OSBPL10: variants seen among roughly 807,000 people sequenced by gnomAD.
OSBPL10 encodes oxysterol-binding protein-related protein 10.
OSBPL10 carries 49 observed loss-of-function variants against 81.7 expected under a neutral mutation model. That is an observed-to-expected ratio of 0.60 (90% CI 0.48 to 0.76). The LOEUF (loss-of-function observed/expected upper bound fraction) is 0.76, where lower values mean the gene tolerates loss of function less well. Ranked by LOEUF, OSBPL10 falls within the 30% of genes least tolerant of loss-of-function variation. OSBPL10 has a pLI of 0.00. For synonymous variants in OSBPL10, 419 were observed against 383.6 expected, an observed-to-expected ratio of 1.09 and a Z score of -1.08; for missense variants, 923 against 987.8, an observed-to-expected ratio of 0.93 and a Z score of 0.88.
chr3:31,899,964 CAGA>C (rs1313727657), intron 1 of OSBPL10, among the ~76,000 whole-genome samples: 1 of 151,274 alleles, frequency 6.6e-6, no homozygotes, highest in Admixed American at 6.6e-5. Context: ...ACCAACTTTG[CAGA>C]AGATTAAGCT....
In OSBPL10 at chr3:31,941,980, G is replaced by C. The variant is rs1358032968; in HGVS notation, c.281+38919C>G. The stretch of plus-strand genomic sequence containing the variant: ...CTTTCTTCCTTCTTCTCCCAGTCGA[G>C]AATGCAATGTATGGCAGGGCACGGT... On this transcript the variant is annotated intron_variant, in intron 1 of 11. Transcript: ENST00000396556. 2.0e-5 allele frequency among the ~76,000 whole-genome samples: 3 copies of C among 152,140 alleles called. No homozygotes were observed. In the East Asian group the frequency reaches 5.8e-4, roughly 29 times the overall value.
intron 6 of OSBPL10, among the ~76,000 whole-genome samples, chr3:31,728,773 T>A: frequency 6.6e-6 from 1 of 152,082 alleles, no homozygotes; most frequent in East Asian, 1.9e-4. Context: ...CATGAGGGAA[T>A]CTGGGGGCAA....
intron 2 of OSBPL10, among the ~76,000 whole-genome samples, chr3:32,012,923 G>A (rs575521465): frequency 6.1e-5 from 9 of 148,648 alleles, no homozygotes; most frequent in Non-Finnish European, 9.0e-5. Context: ...CCCAATACAG[G>A]AGCACCCAGA....
chr3:32,076,550 C>T (rs990375155), intron 1 of OSBPL10, among the ~76,000 whole-genome samples: 2 of 152,036 alleles, frequency 1.3e-5, no homozygotes, highest in African/African-American at 2.4e-5. Context: ...TTTCCCTGTT[C>T]GCCTGACAAA....
At chr3:31,673,126 T>C (rs1700369070) in intron 8 of OSBPL10, among the ~76,000 whole-genome samples, 1 of 152,078 alleles carries the variant, frequency 6.6e-6, no homozygotes, top group African/African-American at 2.4e-5. Flanking sequence ...TTCTGCATTT[T>C]AGAAAGAAGA....
intron 1 of OSBPL10, among the ~76,000 whole-genome samples, chr3:31,973,134 G>T (rs1464824227): frequency 6.6e-6 from 1 of 152,122 alleles, no homozygotes; most frequent in Non-Finnish European, 1.5e-5. Context: ...CACGTTTCCG[G>T]CACAATCATT....
At chr3:31,840,175 T>G in intron 3 of OSBPL10, among the ~76,000 whole-genome samples, 2 of 152,054 alleles carry the variant, frequency 1.3e-5, no homozygotes, top group Non-Finnish European at 2.9e-5. Flanking sequence ...AAATGATCAC[T>G]CTGGAACATG....
At chr3:32,059,068 G>A (rs2125440430) in intron 1 of OSBPL10, among the ~76,000 whole-genome samples, 1 of 152,294 alleles carries the variant, frequency 6.6e-6, no homozygotes, top group Non-Finnish European at 1.5e-5. Flanking sequence ...GGAGGCTGAG[G>A]CAGGTGGATC....
At chr3:31,872,215 A>G (rs1701346750) in intron 3 of OSBPL10, among the ~76,000 whole-genome samples, 2 of 152,188 alleles carry the variant, frequency 1.3e-5, no homozygotes, top group Non-Finnish European at 2.9e-5. Context: ...TCCATGCAGA[A>G]TCAGAAACTT....
intron 4 of OSBPL10, among the ~76,000 whole-genome samples, chr3:31,826,688 T>C (rs1700107934): frequency 6.6e-6 from 1 of 152,220 alleles, no homozygotes. Context: ...ATTTTATAGA[T>C]AAATACAGTG....
chr3:31,836,452 G>A (rs1428151772), intron 3 of OSBPL10, among the ~76,000 whole-genome samples: 2 of 152,082 alleles, frequency 1.3e-5, no homozygotes, highest in African/African-American at 2.4e-5. Flanking sequence ...TTCATTTCCT[G>A]CAAATAGTGG....
chr3:31,839,819 A>G (rs1700449112), intron 3 of OSBPL10, among the ~76,000 whole-genome samples: 1 of 149,874 alleles, frequency 6.7e-6, no homozygotes, highest in African/African-American at 2.4e-5. Context: ...GAAATTACAG[A>G]CAACAGCCAG....
intron 6 of OSBPL10, among the ~76,000 whole-genome samples, chr3:31,722,416 C>T (rs975348526): frequency 2.0e-5 from 3 of 152,048 alleles, no homozygotes; most frequent in South Asian, 2.1e-4. Flanking sequence ...TGATCTAGCA[C>T]ATCAATACCT....
Position 31,943,912 on chromosome 3 carries a change from G to A in OSBPL10, c.281+36987C>T, listed in dbSNP as rs1189974454. Among the ~76,000 whole-genome samples, 3 of 131,570 alleles carry A rather than the reference G, an allele frequency of 2.3e-5. No homozygotes were observed. In the East Asian group the frequency reaches 7.4e-4, roughly 33 times the overall value. 86.3% of individuals were successfully genotyped at this position (131,570 alleles called of 152,430 possible). The stretch of plus-strand genomic sequence containing the variant: ...GAACCCAGGAAGCGGAGGTTCGAGT[G>A]AGCTGAGACTGCACCACAGCACTCC... On this transcript the variant is annotated intron_variant, in intron 1 of 11. Transcript: ENST00000396556.
At chr3:31,689,293 T>C (rs1700881570) in intron 7 of OSBPL10, among the ~76,000 whole-genome samples, 1 of 151,990 alleles carries the variant, frequency 6.6e-6, no homozygotes, top group Admixed American at 6.5e-5. Context: ...ATAATCTGGG[T>C]TGGATTCTGG....
intron 11 of OSBPL10, chr3:31,663,721 A>G: frequency 8.8e-7 from 1 of 1,142,462 alleles, no homozygotes; most frequent in Non-Finnish European, 1.1e-6. Flanking sequence ...CTAATTTGTT[A>G]CTAAAGATGA....
intron 1 of OSBPL10, among the ~76,000 whole-genome samples, chr3:31,965,668 T>A (rs1327784148): frequency 4.7e-4 from 24 of 50,778 alleles, no homozygotes; most frequent in African/African-American, 1.0e-3. Context: ...TATTATATAT[T>A]TTATATAATA....
intron 1 of OSBPL10, among the ~76,000 whole-genome samples, chr3:32,072,360 C>T (rs1203149330): frequency 6.6e-6 from 1 of 152,220 alleles, no homozygotes; most frequent in Non-Finnish European, 1.5e-5. Context: ...AGCTAGCATT[C>T]CAACTTCTGT....
At chr3:31,671,093 T>A (rs114059213) in intron 8 of OSBPL10, 110 bp from the exon 9 acceptor site, 1 of 1,045,450 alleles carries the variant, frequency 9.6e-7, no homozygotes, top group East Asian at 2.6e-5. Flanking sequence ...AGATGTCACA[T>A]CTCCCACCTC....
Sources: gnomAD v4.1 joint callset for allele counts (sites outside exome capture counted in the v4.1 genomes callset) on GRCh38, gnomAD v4.1.1 for gene constraint, MANE v1.5 for transcripts, NCBI Gene and HGNC (gene_info 2026-07-23, HGNC 2026-07-21) for gene names.